HIPK2: variants seen among roughly 807,000 people sequenced by gnomAD.
HIPK2 encodes homeodomain interacting protein kinase 2.
In HIPK2, 27 loss-of-function variants were observed where a neutral mutation model predicts 113.7. The observed-to-expected ratio is 0.24, with a 90% CI of 0.17 to 0.33. The LOEUF (loss-of-function observed/expected upper bound fraction) is 0.33. Among genes scored for constraint, HIPK2 ranks in the 10% least tolerant of loss-of-function variants. HIPK2 has a pLI of 1.00. For missense variants in HIPK2, 1,257 were observed against 1,588.0 expected (o/e 0.79, Z 3.54); for synonymous variants, 631 against 642.2 (o/e 0.98, Z 0.26).
At chr7:139,746,854 G>A (rs2117096038) in intron 1 of HIPK2, among the ~76,000 whole-genome samples, 2 of 152,198 alleles carry the variant, frequency 1.3e-5, no homozygotes, top group African/African-American at 4.8e-5. Flanking sequence ...GGGAGAGGCA[G>A]GCTGTAGCCT....
chr7:139,625,713 C>T (rs144158095), intron 6 of HIPK2, among the ~76,000 whole-genome samples: 4 of 152,336 alleles, frequency 2.6e-5, no homozygotes, highest in South Asian at 2.1e-4. Context: ...GCTCTCATCA[C>T]ACCTGATACT....
intron 1 of HIPK2, among the ~76,000 whole-genome samples, chr7:139,757,241 G>C (rs146380819): frequency 1.2e-3 from 185 of 152,204 alleles, no homozygotes; most frequent in African/African-American, 4.1e-3. Flanking sequence ...AGGCTTTCCC[G>C]GAGGAAAAAC....
In HIPK2 at chr7:139,569,790, A is replaced by G. The variant is rs1380634899; in HGVS notation, c.*3137T>C. On this transcript the variant is annotated 3_prime_UTR_variant, in exon 15 of 15. Coordinates refer to ENST00000406875, the MANE Select transcript of HIPK2 (RefSeq NM_022740.5). Reference sequence around the variant, plus strand: ...GGACATCTGGATGTCCCTCCAGTCTACTTATATACTCACAGAGAGAATAAG... The same window carrying G: ...GGACATCTGGATGTCCCTCCAGTCTGCTTATATACTCACAGAGAGAATAAG... The G allele has an allele frequency of 6.6e-6, 1 of 151,464 alleles. No individual in the cohort carries two copies. Among genetic ancestry groups the G allele is most frequent in the East Asian group, 1.9e-4 (1 of 5,162 alleles). The allele number at this position is 151,464 out of a possible 1,614,324, so 9.4% of individuals were successfully genotyped here.
intron 2 of HIPK2, among the ~76,000 whole-genome samples, chr7:139,701,389 A>G (rs1794703744): frequency 1.3e-5 from 2 of 152,220 alleles, no homozygotes; most frequent in Non-Finnish European, 2.9e-5. Context: ...AGAGGCTGTG[A>G]GGCTAGACAT....
At chr7:139,640,113 G>A (rs1361036350) in intron 2 of HIPK2, among the ~76,000 whole-genome samples, 2 of 152,050 alleles carry the variant, frequency 1.3e-5, no homozygotes, top group African/African-American at 4.8e-5. Flanking sequence ...TTACTATTTT[G>A]GGACATCAAA....
In HIPK2 at chr7:139,575,109, C is replaced by T. The variant is rs755211424; in HGVS notation, c.3126+19G>A. On this transcript the variant is annotated intron_variant, in intron 14 of 14. Transcript: ENST00000406875. ...GATGGGGGCCCTGCCTGGCCTGGGG[C>T]GCCAGCTGTGGGGCTTACCTGGCTG... 1.3e-5 allele frequency: 21 copies of T among 1,577,666 alleles called. No homozygotes were observed. The highest frequency in any genetic ancestry group is 3.5e-5 in the South Asian group (3 of 85,668).
rs565018640 is a variant in HIPK2, at chr7:139,719,331, T to A, written c.20-2316A>T. The stretch of plus-strand genomic sequence containing the variant: ...GTTGGCCAGGCTGGCCTCAAACTCC[T>A]GATCTCAAGTGATCCACTCCCCTCA... On this transcript the variant is annotated intron_variant, in intron 1 of 14. Transcript: ENST00000406875. Among the ~76,000 whole-genome samples, 26 of 152,250 alleles carry A rather than the reference T, an allele frequency of 1.7e-4. 1 individual carries two copies. In the South Asian group the frequency reaches 5.4e-3, roughly 32 times the overall value.
chr7:139,755,540 C>A (rs766280438), intron 1 of HIPK2, among the ~76,000 whole-genome samples: 43 of 152,242 alleles, frequency 2.8e-4, no homozygotes, highest in Non-Finnish European at 5.7e-4. Context: ...CCTGAGCTGA[C>A]GGGGAAAATC....
At chr7:139,750,503 C>T (rs28660580) in intron 1 of HIPK2, among the ~76,000 whole-genome samples, 6,691 of 152,192 alleles carry the variant, frequency 0.044, 476 homozygotes, top group African/African-American at 0.15. Context: ...TGCGTGAACA[C>T]GCCAGTTAAA....
At chr7:139,747,693 G>C (rs766180683) in intron 1 of HIPK2, among the ~76,000 whole-genome samples, 1 of 152,164 alleles carries the variant, frequency 6.6e-6, no homozygotes, top group African/African-American at 2.4e-5. Context: ...GCCAAGCCAG[G>C]GTGACCCATC....
intron 2 of HIPK2, among the ~76,000 whole-genome samples, chr7:139,656,935 A>G: frequency 1.3e-5 from 2 of 151,736 alleles, no homozygotes; most frequent in Non-Finnish European, 2.9e-5. Flanking sequence ...CAATGGCACA[A>G]TCTCGGCTCA....
chr7:139,771,817 GA>G (rs1796657732), intron 1 of HIPK2, among the ~76,000 whole-genome samples: 1 of 152,236 alleles, frequency 6.6e-6, no homozygotes, highest in Admixed American at 6.5e-5. Flanking sequence ...GCTCTGTGAG[GA>G]AAAAGCTAAA....
rs1796815674 is a variant in HIPK2 at position 139,777,826 on chromosome 7, C to A, written c.-203G>T. The A allele has an allele frequency of 4.6e-6, 1 of 216,420 alleles. No homozygotes were observed. Among genetic ancestry groups the A allele is most frequent in the African/African-American group, 2.4e-5 (1 of 41,236 alleles). 13.4% of individuals were successfully genotyped at this position (216,420 alleles called of 1,614,324 possible). The stretch of plus-strand genomic sequence containing the variant: ...GGGCGCGCCGCCGCCGCCGCCGCCG[C>A]CGCTGCCGCCCGGGCCCGGCGCGGG... On this transcript the variant is annotated 5_prime_UTR_variant, in exon 1 of 15. Transcript: ENST00000406875.
At chr7:139,618,799 T>A (rs1354565182) in intron 7 of HIPK2, among the ~76,000 whole-genome samples, 1 of 152,192 alleles carries the variant, frequency 6.6e-6, no homozygotes. Context: ...GTTTCACAGA[T>A]GCCTTTGATA....
chr7:139,591,719 C>T (rs1278766243), intron 12 of HIPK2, among the ~76,000 whole-genome samples: 9 of 152,224 alleles, frequency 5.9e-5, no homozygotes, highest in Admixed American at 5.9e-4. Flanking sequence ...TGAGATGAGT[C>T]ACATGACTGA....
intron 2 of HIPK2, among the ~76,000 whole-genome samples, chr7:139,706,897 T>C (rs1794915426): frequency 1.3e-5 from 2 of 152,244 alleles, no homozygotes; most frequent in Non-Finnish European, 2.9e-5. Context: ...CACTGTGGCC[T>C]CAGTCAGGTG....
At chr7:139,620,353 C>T (rs781193007) in intron 7 of HIPK2, 48 bp downstream of exon 7, 8 of 1,607,546 alleles carry the variant, frequency 5.0e-6, no homozygotes, top group Middle Eastern at 1.7e-4. Context: ...AGTCCTGAGG[C>T]TCACACTGTG....
At chr7:139,766,595 C>G (rs1280610822) in intron 1 of HIPK2, among the ~76,000 whole-genome samples, 1 of 152,220 alleles carries the variant, frequency 6.6e-6, no homozygotes, top group Non-Finnish European at 1.5e-5. Flanking sequence ...CAGTCTTGCA[C>G]ATGGCATGGA....
chr7:139,602,336 C>A (rs576538159), intron 10 of HIPK2, among the ~76,000 whole-genome samples: 58 of 152,196 alleles, frequency 3.8e-4, no homozygotes, highest in Non-Finnish European at 6.2e-4. Flanking sequence ...TTGAGTCAGG[C>A]CTAGCACTGG....
Sources: allele counts gnomAD v4.1 joint callset (sites outside exome capture counted in the v4.1 genomes callset), GRCh38; gene constraint gnomAD v4.1.1; transcripts MANE v1.5; gene names NCBI Gene and HGNC (gene_info 2026-07-23, HGNC 2026-07-21).